Variants in TMBIM4 observed in about 807,000 individuals in gnomAD.
TMBIM4 encodes protein lifeguard 4.
A neutral mutation model predicts 27.7 loss-of-function variants in TMBIM4; 28 were observed. The ratio of observed to expected loss-of-function variants is 1.01; its 90% CI spans 0.75 to 1.38. The LOEUF is 1.38. TMBIM4 is among the 40% of genes most tolerant of loss of function. The pLI, the probability that TMBIM4 is intolerant of heterozygous loss-of-function variation, is 0.00. For synonymous variants in TMBIM4, 115 were observed against 113.1 expected (o/e 1.02, Z -0.11); for missense variants, 265 against 277.5 (o/e 0.95, Z 0.32).
rs563835764 is a variant in TMBIM4, at chr12:66,151,604, G to A, written c.312+667C>T. Among the ~76,000 whole-genome samples the A allele has an allele frequency of 7.2e-5, 11 of 152,286 alleles. 1 individual carries two copies. In the South Asian group the frequency reaches 2.3e-3, roughly 32 times the overall value. On this transcript the variant is annotated intron_variant, in intron 3 of 6. Coordinates refer to ENST00000358230, the MANE Select transcript of TMBIM4 (RefSeq NM_016056.4). ...TTTTAGGTTAGAATCTAGTCATACT[G>A]GATGAGAAGAGGCAAAATAATTTTT...
At chr12:66,149,219 T>C (rs2051801872) in intron 3 of TMBIM4, among the ~76,000 whole-genome samples, 1 of 151,970 alleles carries the variant, frequency 6.6e-6, no homozygotes, top group South Asian at 2.1e-4. Flanking sequence ...GGCAGGTGGA[T>C]TGCTTGAGTC....
chr12:66,138,095 G>A lies in TMBIM4; in HGVS notation c.582C>T (p.Ile194=), dbSNP rs767759720. 3.7e-6 allele frequency: 6 copies of A among 1,613,870 alleles called. No individual in the cohort carries two copies. In the East Asian group the frequency reaches 1.1e-4, roughly 30 times the overall value. The part of the protein sequence containing the change: ...AAGALLFCGF[I]IYDTHSLMHK... Reference sequence around the variant, plus strand: ...GCATCAGTGAGTGTGTGTCATAGATGATGAATCCACAGAAAAGAAGGGCTC... The same window carrying A: ...GCATCAGTGAGTGTGTGTCATAGATAATGAATCCACAGAAAAGAAGGGCTC... The change falls in exon 7 of 7, where the codon ATC becomes ATT. Residue 194 remains isoleucine (I), a synonymous_variant. Coordinates refer to ENST00000358230, the MANE Select transcript of TMBIM4 (RefSeq NM_016056.4).
intron 1 of TMBIM4, among the ~76,000 whole-genome samples, chr12:66,167,339 A>T (rs2052148862): frequency 6.6e-6 from 1 of 152,226 alleles, no homozygotes; most frequent in South Asian, 2.1e-4. Flanking sequence ...TTAGTGCAAG[A>T]GGCTTGGGGA....
At chr12:66,158,089 G>A (rs533808820) in intron 1 of TMBIM4, among the ~76,000 whole-genome samples, 21 of 151,986 alleles carry the variant, frequency 1.4e-4, no homozygotes, top group South Asian at 1.0e-3. Flanking sequence ...AGCTGGGCGT[G>A]GTGGCGGGCG....
intron 1 of TMBIM4, among the ~76,000 whole-genome samples, chr12:66,157,798 G>T (rs1565787043): frequency 6.6e-6 from 1 of 152,320 alleles, no homozygotes; most frequent in East Asian, 1.9e-4. Flanking sequence ...GTTAGCTATG[G>T]TAACATCAAA....
intron 1 of TMBIM4, among the ~76,000 whole-genome samples, chr12:66,162,532 G>A (rs973240880): frequency 2.0e-5 from 3 of 152,098 alleles, no homozygotes; most frequent in South Asian, 2.1e-4. Flanking sequence ...TCGAGGGGCC[G>A]GGGGAAAACT....
At position 66,150,877 on chromosome 12, in the gene TMBIM4, T is replaced by C. The variant is rs373105345; in HGVS notation, c.312+1394A>G. On this transcript the variant is annotated intron_variant, in intron 3 of 6. Transcript: ENST00000358230. ...CAACTGAGGTAGAGAAGAGATGTAA[T>C]AGAACAAGGGAGAGGGGAACACAAA... Among the ~76,000 whole-genome samples the C allele has an allele frequency of 1.2e-4, 18 of 152,306 alleles. No individual in the cohort carries two copies. The South Asian group carries it at 2.1e-3, about 18-fold the overall frequency.
intron 1 of TMBIM4, chr12:66,169,210 G>T: frequency 1.4e-6 from 1 of 694,280 alleles, no homozygotes; most frequent in Non-Finnish European, 2.6e-6. Context: ...CTTCCACGTA[G>T]ATGAAGCTGA....
intron 2 of TMBIM4, among the ~76,000 whole-genome samples, chr12:66,152,953 T>TAGA: frequency 6.6e-6 from 1 of 152,004 alleles, no homozygotes; most frequent in Admixed American, 6.5e-5. Context: ...GAAAACTTCT[T>TAGA]GGTGAAATTA....
intron 1 of TMBIM4, 133 bp downstream of exon 1, chr12:66,169,722 G>A: frequency 1.6e-6 from 1 of 620,974 alleles, no homozygotes; most frequent in Non-Finnish European, 2.6e-6. Flanking sequence ...GGAGAAGGAG[G>A]GCCGGGAGCT....
chr12:66,159,617 CA>C (rs1465773430), intron 1 of TMBIM4, among the ~76,000 whole-genome samples: 1 of 152,198 alleles, frequency 6.6e-6, no homozygotes, highest in Non-Finnish European at 1.5e-5. Context: ...TGTTACAAAG[CA>C]ATAGACAGCT....
intron 1 of TMBIM4, among the ~76,000 whole-genome samples, chr12:66,154,115 C>G (rs1187729576): frequency 6.6e-6 from 1 of 152,178 alleles, no homozygotes; most frequent in African/African-American, 2.4e-5. Flanking sequence ...CTTCCAAGAA[C>G]TCATTACCAC....
chr12:66,152,471 T>G (rs1362222472), intron 2 of TMBIM4, 95 bp from the exon 3 acceptor site: 3 of 783,378 alleles, frequency 3.8e-6, no homozygotes, highest in Admixed American at 6.3e-5. Context: ...TATATGTTTA[T>G]GAAAGTACAG....
Position 66,137,803 on chromosome 12 carries a change from A to G in TMBIM4, c.*157T>C. ...GTAAGATTTTAAAGCTCTCAAAATT[A>G]CATATGATACAAATAAAGATTGTAA... On this transcript the variant is annotated 3_prime_UTR_variant, in exon 7 of 7. Transcript: ENST00000358230. 4.9e-6 allele frequency: 3 copies of G among 613,812 alleles called. No homozygotes were observed. The highest frequency in any genetic ancestry group is 8.4e-6 in the Non-Finnish European group (3 of 357,446). The allele number at this position is 613,812 out of a possible 1,614,324, so 38.0% of individuals were successfully genotyped here.
intron 2 of TMBIM4, among the ~76,000 whole-genome samples, chr12:66,153,035 G>A (rs1372013031): frequency 6.6e-6 from 1 of 151,994 alleles, no homozygotes; most frequent in Non-Finnish European, 1.5e-5. Flanking sequence ...TTTGAGCACA[G>A]GGAATATAGT....
intron 1 of TMBIM4, among the ~76,000 whole-genome samples, chr12:66,153,842 AG>A (rs2051891398): frequency 7.4e-6 from 1 of 134,644 alleles, no homozygotes; most frequent in Admixed American, 6.9e-5. Flanking sequence ...ATAAACGTTA[AG>A]TTTTTTTATG....
At position 66,138,148 on chromosome 12, in the gene TMBIM4, T is replaced by C; in HGVS notation, c.529A>G (p.Ile177Val). Reference sequence around the variant, plus strand: ...GCAGCGGCTAAGACCAACTCCATTATCTCACTATAAAAAAAAAACTATAGG... The same window carrying C: ...GCAGCGGCTAAGACCAACTCCATTACCTCACTATAAAAAAAAAACTATAGG... ...GFLKFFFYSE[I>V]MELVLAAAGA... Residue 177 changes from isoleucine to valine, a missense_variant, in exon 7 of 7, where the codon ATA becomes GTA. By Grantham distance (29) the Ile-to-Val change is conservative (BLOSUM62 3). Coordinates refer to ENST00000358230, the MANE Select transcript of TMBIM4 (RefSeq NM_016056.4). 1.2e-5 allele frequency: 19 copies of C among 1,611,516 alleles called. No homozygotes were observed. Among genetic ancestry groups the C allele is most frequent in the Non-Finnish European group, 1.5e-5 (18 of 1,179,332 alleles).
intron 1 of TMBIM4, chr12:66,160,374 ATAG>A (rs1251971568): frequency 3.4e-5 from 20 of 594,202 alleles, no homozygotes; most frequent in Non-Finnish European, 5.8e-5. Flanking sequence ...CCAAAAATTT[ATAG>A]TAAAGTCATA....
At position 66,152,392 on chromosome 12, in the gene TMBIM4, T is replaced by C. The variant is rs775736550; in HGVS notation, c.207-16A>G. 3.3e-5 allele frequency: 51 copies of C among 1,564,180 alleles called. No homozygotes were observed. The highest frequency in any genetic ancestry group is 4.4e-5 in the Non-Finnish European group (50 of 1,144,296). ...TAAGGCAGGACTGAAAGACATAATA[T>C]TAAGTGTTTCAAGTTAAAGAAAAAA... On this transcript the variant is annotated splice_polypyrimidine_tract_variant and intron_variant, in intron 2 of 6. Transcript: ENST00000358230.
Sources: gnomAD v4.1 joint callset for allele counts (sites outside exome capture counted in the v4.1 genomes callset) on GRCh38, gnomAD v4.1.1 for gene constraint, MANE v1.5 for transcripts, NCBI Gene and HGNC (gene_info 2026-07-23, HGNC 2026-07-21) for gene names.